Variants in SGCZ observed in about 807,000 individuals in gnomAD.
The protein encoded by SGCZ is zeta-sarcoglycan.
Under a neutral mutation model 41.3 loss-of-function variants are expected in SGCZ, and 40 were observed. The observed-to-expected ratio is 0.97, with a 90% confidence interval of 0.75 to 1.26. SGCZ has a LOEUF of 1.26. Ranked by LOEUF, SGCZ falls within the 50% of genes most tolerant of loss-of-function variation. SGCZ has a pLI of 0.00. For synonymous variants in SGCZ, 206 were observed against 137.5 expected, an observed-to-expected ratio of 1.50 and a Z score of -3.49; for missense variants, 552 against 369.8, an observed-to-expected ratio of 1.49 and a Z score of -4.04.
chr8:14,525,774 G>A (rs1035546968), intron 2 of SGCZ, among the ~76,000 whole-genome samples: 58 of 152,116 alleles, frequency 3.8e-4, no homozygotes, highest in African/African-American at 1.3e-3. Context: ...TAAACTTTAA[G>A]AGAGGTAGCA....
At chr8:14,648,852 G>A (rs1205902218) in intron 1 of SGCZ, among the ~76,000 whole-genome samples, 2 of 152,140 alleles carry the variant, frequency 1.3e-5, no homozygotes, top group South Asian at 2.1e-4. Context: ...ACTTTCATCA[G>A]GGTCAAGTTT....
At chr8:14,250,295 T>C (rs1268166401) in intron 3 of SGCZ, among the ~76,000 whole-genome samples, 2 of 152,190 alleles carry the variant, frequency 1.3e-5, no homozygotes, top group East Asian at 3.9e-4. Flanking sequence ...TCCCAGCCCA[T>C]GTTAAACCTA....
At chr8:14,596,488 A>T (rs1330961043) in intron 1 of SGCZ, among the ~76,000 whole-genome samples, 1 of 152,234 alleles carries the variant, frequency 6.6e-6, no homozygotes, top group Non-Finnish European at 1.5e-5. Flanking sequence ...AAACAATTTC[A>T]TATGGTTTAA....
intron 1 of SGCZ, among the ~76,000 whole-genome samples, chr8:14,568,575 C>T (rs971105683): frequency 1.3e-5 from 2 of 151,944 alleles, no homozygotes; most frequent in African/African-American, 4.8e-5. Flanking sequence ...ATTATAAACT[C>T]CTTTGCTTGC....
At chr8:14,467,267 G>C (rs948755652) in intron 2 of SGCZ, among the ~76,000 whole-genome samples, 2 of 151,628 alleles carry the variant, frequency 1.3e-5, no homozygotes, top group African/African-American at 4.9e-5. Context: ...TTTAAAAAAA[G>C]AGAAAAATAA....
At chr8:14,551,473 T>TA (rs1491107563) in intron 2 of SGCZ, among the ~76,000 whole-genome samples, 1,545 of 11,176 alleles carry the variant, frequency 0.14, 216 homozygotes, top group South Asian at 0.31. Flanking sequence ...ATTATATATA[T>TA]TATATATTAT....
chr8:14,356,563 A>G (rs1460377530), intron 2 of SGCZ, among the ~76,000 whole-genome samples: 1 of 152,152 alleles, frequency 6.6e-6, no homozygotes, highest in Non-Finnish European at 1.5e-5. Flanking sequence ...AAAAGTGTAG[A>G]TGCTCCTGAT....
intron 1 of SGCZ, among the ~76,000 whole-genome samples, chr8:14,617,228 T>C (rs959361649): frequency 6.6e-6 from 1 of 152,174 alleles, no homozygotes; most frequent in African/African-American, 2.4e-5. Flanking sequence ...AACATATGTG[T>C]TTATACTTAG....
chr8:14,578,226 T>G lies in SGCZ; in HGVS notation c.40-23300A>C, dbSNP rs553996760. On this transcript the variant is annotated intron_variant, in intron 1 of 7. Transcript: ENST00000382080. Reference sequence around the variant, plus strand: ...ATAAAATTCATCTATAGCCATCAGTTGACTCAACCAGGTGTGACATTTCAC... The same window carrying G: ...ATAAAATTCATCTATAGCCATCAGTGGACTCAACCAGGTGTGACATTTCAC... Among the ~76,000 whole-genome samples, 6 of 152,304 alleles carry G rather than the reference T, an allele frequency of 3.9e-5. No homozygotes were observed. The South Asian group carries it at 1.2e-3, about 32-fold the overall frequency.
chr8:14,106,574 TGTAAA>T (rs552162141), intron 6 of SGCZ, among the ~76,000 whole-genome samples: 337 of 152,332 alleles, frequency 2.2e-3, no homozygotes, highest in African/African-American at 7.8e-3. Flanking sequence ...AATTTACTGT[TGTAAA>T]GTATGGTTTC....
chr8:14,751,492 G>A lies in SGCZ; in HGVS notation c.40-196566C>T, dbSNP rs1311657971. Among the ~76,000 whole-genome samples the A allele has an allele frequency of 2.0e-5, 3 of 152,226 alleles. No homozygotes were observed. The East Asian group carries it at 5.8e-4, about 29-fold the overall frequency. ...GTTAAAATACCATAATAAAGGCCAT[G>A]AAAAGGATTATAATTTAATGGATAT... is the stretch of plus-strand genomic sequence containing the variant. On this transcript the variant is annotated intron_variant, in intron 1 of 7. Coordinates refer to ENST00000382080, the MANE Select transcript of SGCZ (RefSeq NM_139167.4).
chr8:14,206,633 G>C (rs1170312739), intron 4 of SGCZ, among the ~76,000 whole-genome samples: 4 of 152,138 alleles, frequency 2.6e-5, no homozygotes, highest in Non-Finnish European at 1.5e-5. Flanking sequence ...TAAGTTTATA[G>C]AACGATGTTC....
intron 4 of SGCZ, among the ~76,000 whole-genome samples, chr8:14,202,794 A>T (rs1033144475): frequency 1.3e-5 from 2 of 152,178 alleles, no homozygotes; most frequent in African/African-American, 4.8e-5. Flanking sequence ...TTAAAATAGC[A>T]GAAAAGTGCA....
At chr8:14,694,682 G>A (rs1288294040) in intron 1 of SGCZ, among the ~76,000 whole-genome samples, 1 of 152,004 alleles carries the variant, frequency 6.6e-6, no homozygotes, top group Non-Finnish European at 1.5e-5. Context: ...ATACATTTCA[G>A]GCAAGTAAAG....
intron 3 of SGCZ, among the ~76,000 whole-genome samples, chr8:14,281,475 T>C (rs1800436621): frequency 6.6e-6 from 1 of 151,016 alleles, no homozygotes. Context: ...TCATAGAACT[T>C]TGAGAATCAG....
At chr8:14,531,643 A>C (rs1366566263) in intron 2 of SGCZ, among the ~76,000 whole-genome samples, 1 of 152,072 alleles carries the variant, frequency 6.6e-6, no homozygotes, top group Non-Finnish European at 1.5e-5. Flanking sequence ...AGCCATGAAG[A>C]TAATGAAGAG....
intron 1 of SGCZ, among the ~76,000 whole-genome samples, chr8:14,804,162 C>T (rs368267758): frequency 2.3e-5 from 2 of 87,706 alleles, no homozygotes; most frequent in South Asian, 4.7e-4. Context: ...AACTCTAAAA[C>T]GCAGAGCGCC....
chr8:15,178,565 T>C (rs954241983), intron 1 of SGCZ, among the ~76,000 whole-genome samples: 1 of 152,210 alleles, frequency 6.6e-6, no homozygotes, highest in Non-Finnish European at 1.5e-5. Context: ...TAATAATACA[T>C]TGTTGCTAAC....
intron 1 of SGCZ, among the ~76,000 whole-genome samples, chr8:14,566,907 G>T (rs558995172): frequency 2.6e-5 from 4 of 152,090 alleles, no homozygotes; most frequent in South Asian, 4.3e-4. Flanking sequence ...GGCTCGGCAG[G>T]CCCCACACTC....
Sources: allele counts gnomAD v4.1 joint callset (sites outside exome capture counted in the v4.1 genomes callset), GRCh38; gene constraint gnomAD v4.1.1; transcripts MANE v1.5; gene names NCBI Gene and HGNC (gene_info 2026-07-23, HGNC 2026-07-21).